Variants in AUTS2 observed in about 807,000 individuals in gnomAD.
The protein encoded by AUTS2 is activator of transcription and developmental regulator AUTS2.
Under a neutral mutation model 112.4 loss-of-function variants are expected in AUTS2, and 17 were observed. The observed-to-expected ratio is 0.15, with a 90% confidence interval of 0.10 to 0.23. AUTS2 has a LOEUF of 0.23. Among genes scored for constraint, AUTS2 ranks in the 10% least tolerant of loss-of-function variants. AUTS2 has a pLI of 1.00. For missense variants in AUTS2, 1,510 were observed against 1,701.6 expected (o/e 0.89, Z 1.98); for synonymous variants, 751 against 702.7 (o/e 1.07, Z -1.09).
chr7:70,069,556 A>G (rs898126310), intron 2 of AUTS2, among the ~76,000 whole-genome samples: 9 of 152,204 alleles, frequency 5.9e-5, no homozygotes, highest in Non-Finnish European at 1.2e-4. Flanking sequence ...TGTGAGATCT[A>G]TAGTAAGCAG....
intron 3 of AUTS2, among the ~76,000 whole-genome samples, chr7:70,126,161 G>T (rs1805959325): frequency 6.6e-6 from 1 of 152,198 alleles, no homozygotes; most frequent in Non-Finnish European, 1.5e-5. Flanking sequence ...GCTCACGCCT[G>T]CAATCCCAGC....
At chr7:70,094,279 A>G (rs1804074186) in intron 2 of AUTS2, among the ~76,000 whole-genome samples, 2 of 152,214 alleles carry the variant, frequency 1.3e-5, no homozygotes, top group African/African-American at 4.8e-5. Flanking sequence ...ATTTTGCTGT[A>G]TGCTTTAGAA....
intron 11 of AUTS2, among the ~76,000 whole-genome samples, chr7:70,772,351 T>A (rs6950762): frequency 2.0e-5 from 3 of 152,124 alleles, no homozygotes; most frequent in Admixed American, 6.5e-5. Context: ...CCGTCCAGCG[T>A]TGGCTACAGC....
At position 69,783,546 on chromosome 7, in the gene AUTS2, T is replaced by G. The variant is rs1789238277; in HGVS notation, c.310-115740T>G. Among the ~76,000 whole-genome samples the G allele has an allele frequency of 2.6e-5, 4 of 152,074 alleles. No individual in the cohort carries two copies. The South Asian group carries it at 8.3e-4, about 32-fold the overall frequency. ...TTGAGTCTTTTCCAAGCAGAAGAAA[T>G]AGCAGAATGCCTTGCCCTCCCCTTC... is the stretch of plus-strand genomic sequence containing the variant. On this transcript the variant is annotated intron_variant, in intron 1 of 18. Coordinates refer to ENST00000342771, the MANE Select transcript of AUTS2 (RefSeq NM_015570.4).
intron 4 of AUTS2, among the ~76,000 whole-genome samples, chr7:70,338,625 C>A (rs1791103479): frequency 6.6e-6 from 1 of 152,118 alleles, no homozygotes; most frequent in Admixed American, 6.5e-5. Flanking sequence ...AGAGAAATTG[C>A]AATGATTATA....
intron 4 of AUTS2, among the ~76,000 whole-genome samples, chr7:70,332,433 G>A (rs1790797446): frequency 6.6e-6 from 1 of 152,096 alleles, no homozygotes; most frequent in Admixed American, 6.6e-5. Context: ...AGCTACCATT[G>A]ACTTTCTTCA....
At chr7:69,939,736 T>C (rs1796550869) in intron 2 of AUTS2, among the ~76,000 whole-genome samples, 1 of 152,222 alleles carries the variant, frequency 6.6e-6, no homozygotes, top group Non-Finnish European at 1.5e-5. Flanking sequence ...GTGTCTTCTC[T>C]GGGTGCATCC....
intron 2 of AUTS2, among the ~76,000 whole-genome samples, chr7:70,019,095 GGTCAT>G (rs1223483950): frequency 1.3e-5 from 2 of 152,150 alleles, no homozygotes; most frequent in Non-Finnish European, 2.9e-5. Context: ...AAAAGAATGA[GGTCAT>G]GTCCTTTGCA....
At chr7:70,595,032 C>T (rs747618806) in intron 5 of AUTS2, among the ~76,000 whole-genome samples, 1 of 151,496 alleles carries the variant, frequency 6.6e-6, no homozygotes, top group African/African-American at 2.4e-5. Flanking sequence ...ACCTGGGAGG[C>T]GGAGGCTGCA....
intron 5 of AUTS2, among the ~76,000 whole-genome samples, chr7:70,469,776 G>A (rs1797307413): frequency 6.6e-6 from 1 of 152,170 alleles, no homozygotes; most frequent in South Asian, 2.1e-4. Context: ...GAGTAGCTAG[G>A]AATACAGGCA....
At chr7:69,885,035 T>A (rs1794212919) in intron 1 of AUTS2, among the ~76,000 whole-genome samples, 2 of 151,660 alleles carry the variant, frequency 1.3e-5, no homozygotes, top group Non-Finnish European at 2.9e-5. Flanking sequence ...AGACTGGGGG[T>A]GAAGATTGAG....
chr7:69,822,589 G>C (rs1309911839), intron 1 of AUTS2, among the ~76,000 whole-genome samples: 1 of 152,198 alleles, frequency 6.6e-6, no homozygotes, highest in Non-Finnish European at 1.5e-5. Context: ...CAGAAGTGTT[G>C]ACTGCTGGGA....
intron 2 of AUTS2, among the ~76,000 whole-genome samples, chr7:70,034,984 A>G (rs1800938271): frequency 6.6e-6 from 1 of 152,144 alleles, no homozygotes. Flanking sequence ...GTCACGTGCC[A>G]TTACGCCTGG....
chr7:69,814,192 A>T (rs1790661588), intron 1 of AUTS2, among the ~76,000 whole-genome samples: 1 of 152,200 alleles, frequency 6.6e-6, no homozygotes, highest in African/African-American at 2.4e-5. Context: ...GGCACCACAC[A>T]TTTTAAGCTG....
intron 3 of AUTS2, among the ~76,000 whole-genome samples, chr7:70,131,562 AACTT>A (rs1806271902): frequency 1.3e-5 from 2 of 152,224 alleles, no homozygotes; most frequent in East Asian, 1.9e-4. Flanking sequence ...ATCTGTCAAT[AACTT>A]ACAGCACATT....
At chr7:70,004,783 C>T (rs1799467993) in intron 2 of AUTS2, among the ~76,000 whole-genome samples, 1 of 150,590 alleles carries the variant, frequency 6.6e-6, no homozygotes, top group Admixed American at 6.6e-5. Context: ...ATAACAACAG[C>T]GTGGAGTCTA....
intron 1 of AUTS2, among the ~76,000 whole-genome samples, chr7:69,683,737 TA>T (rs909773525): frequency 2.7e-5 from 4 of 146,390 alleles, no homozygotes; most frequent in African/African-American, 2.5e-5. Flanking sequence ...CTGTCTCTAC[TA>T]AAAAAAAAAC....
intron 5 of AUTS2, among the ~76,000 whole-genome samples, chr7:70,451,539 A>G (rs1204084753): frequency 6.6e-6 from 1 of 152,178 alleles, no homozygotes; most frequent in Non-Finnish European, 1.5e-5. Context: ...TTCAGTAGTA[A>G]TGGTAAGCAC....
chr7:69,816,988 C>T (rs938072697), intron 1 of AUTS2, among the ~76,000 whole-genome samples: 1 of 152,180 alleles, frequency 6.6e-6, no homozygotes, highest in Non-Finnish European at 1.5e-5. Flanking sequence ...AACCTCAGTT[C>T]TTTCATCAGC....
Sources: gnomAD v4.1 joint callset for allele counts (sites outside exome capture counted in the v4.1 genomes callset) on GRCh38, gnomAD v4.1.1 for gene constraint, MANE v1.5 for transcripts, NCBI Gene and HGNC (gene_info 2026-07-23, HGNC 2026-07-21) for gene names.